The following GFPT1 variants were observed in gnomAD, a reference collection of about 807,000 sequenced individuals.
The protein encoded by GFPT1 is glutamine--fructose-6-phosphate aminotransferase [isomerizing] 1.
A neutral mutation model predicts 92.0 loss-of-function variants in GFPT1; 40 were observed. The observed-to-expected ratio is 0.43, with a 90% CI of 0.34 to 0.57. GFPT1 has a LOEUF of 0.57. Ranked by LOEUF, GFPT1 falls within the 20% of genes least tolerant of loss-of-function variation. The pLI is 0.02. For missense variants in GFPT1, 448 were observed against 869.1 expected (o/e 0.52, Z 6.09); for synonymous variants, 269 against 280.6 (o/e 0.96, Z 0.41).
At chr2:69,354,105 C>T (rs890601445) in intron 9 of GFPT1, among the ~76,000 whole-genome samples, 154 bp downstream of exon 9, 1 of 152,078 alleles carries the variant, frequency 6.6e-6, no homozygotes, top group Non-Finnish European at 1.5e-5. Flanking sequence ...AAATATACTC[C>T]GCAAATTAGA....
In GFPT1 at chr2:69,326,223, G is replaced by A; in HGVS notation, c.2066C>T (p.Pro689Leu). The A allele has an allele frequency of 6.3e-7, 1 of 1,588,920 alleles. No homozygotes were observed. The highest frequency in any genetic ancestry group is 8.6e-7 in the Non-Finnish European group (1 of 1,168,710). The change falls in exon 20 of 20, where the codon CCA (proline) becomes CTA (leucine). Residue 689 changes from proline (P) to leucine (L), a missense_variant. Coordinates refer to ENST00000357308, the MANE Select transcript of GFPT1 (RefSeq NM_001244710.2). ...AVLRGYDVDF[P>L]RNLAKSVTVE is the part of the protein sequence containing the mutation. ...AGTCACAGATTTGGCAAGATTCCGT[G>A]GGAAATCAACCTGCAAAAAGAAAAA...
At chr2:69,374,471 G>A (rs1441193532) in intron 1 of GFPT1, among the ~76,000 whole-genome samples, 1 of 151,786 alleles carries the variant, frequency 6.6e-6, no homozygotes, top group African/African-American at 2.4e-5. Flanking sequence ...CTGCCACCAC[G>A]CCCAGCTAAT....
intron 1 of GFPT1, among the ~76,000 whole-genome samples, chr2:69,386,705 C>G (rs1403861877): frequency 6.6e-6 from 1 of 152,182 alleles, no homozygotes; most frequent in Non-Finnish European, 1.5e-5. Flanking sequence ...TCCTCACTCA[C>G]CTGGTGGGCC....
At chr2:69,352,304 A>G (rs1436258749) in intron 9 of GFPT1, among the ~76,000 whole-genome samples, 1 of 151,006 alleles carries the variant, frequency 6.6e-6, no homozygotes, top group Non-Finnish European at 1.5e-5. Context: ...ACATAAAAAG[A>G]GAGCTCAGCA....
intron 7 of GFPT1, 35 bp from the exon 8 acceptor site, chr2:69,354,603 T>G (rs2104648189): frequency 1.6e-6 from 2 of 1,252,912 alleles, no homozygotes. Flanking sequence ...ATTAAACCAT[T>G]TTTATAAATA....
At chr2:69,354,997 C>T (rs1303413880) in intron 7 of GFPT1, among the ~76,000 whole-genome samples, 1 of 151,992 alleles carries the variant, frequency 6.6e-6, no homozygotes, top group African/African-American at 2.4e-5. Context: ...GAACAAGATC[C>T]TATATCCAAA....
At chr2:69,346,105 CAAAAGTTCATGCAAT>C (rs1238593119) in intron 11 of GFPT1, 106 bp from the exon 12 acceptor site, 4 of 729,856 alleles carry the variant, frequency 5.5e-6, no homozygotes, top group African/African-American at 5.3e-5. Flanking sequence ...TAAAATATAA[CAAAAGTTCATGCAAT>C]AGACATGACT....
chr2:69,366,262 G>A (rs1001729579), intron 3 of GFPT1, among the ~76,000 whole-genome samples: 16 of 152,200 alleles, frequency 1.1e-4, no homozygotes, highest in African/African-American at 2.4e-4. Flanking sequence ...CACTGTTGCT[G>A]TAGGAACATT....
chr2:69,365,873 C>T (rs763933866), intron 3 of GFPT1, among the ~76,000 whole-genome samples: 3 of 151,898 alleles, frequency 2.0e-5, no homozygotes, highest in African/African-American at 4.8e-5. Context: ...AGTACAATGG[C>T]GCAATCTTGG....
chr2:69,381,231 C>T (rs908838175), intron 1 of GFPT1, among the ~76,000 whole-genome samples: 4 of 152,234 alleles, frequency 2.6e-5, no homozygotes, highest in Non-Finnish European at 4.4e-5. Flanking sequence ...GATCTGCCCG[C>T]CTCGGCCTCC....
chr2:69,338,701 T>C, intron 13 of GFPT1, 136 bp from the exon 14 acceptor site: 1 of 679,280 alleles, frequency 1.5e-6, no homozygotes. Flanking sequence ...CAACCCAGAT[T>C]AAAATATTTA....
intron 12 of GFPT1, among the ~76,000 whole-genome samples, chr2:69,343,153 T>G (rs927565963): frequency 6.6e-6 from 1 of 152,220 alleles, no homozygotes; most frequent in Non-Finnish European, 1.5e-5. Context: ...TCCATGTGTC[T>G]TGTCCAGAAA....
intron 1 of GFPT1, among the ~76,000 whole-genome samples, chr2:69,377,795 A>G (rs10172351): frequency 0.04 from 6,053 of 152,290 alleles, 352 homozygotes; most frequent in African/African-American, 0.12. Flanking sequence ...GTCCCTTGAT[A>G]GCACTACTAG....
At chr2:69,353,676 G>C (rs900600480) in intron 9 of GFPT1, among the ~76,000 whole-genome samples, 2 of 152,056 alleles carry the variant, frequency 1.3e-5, no homozygotes, top group African/African-American at 4.8e-5. Context: ...TCCAGCCTGG[G>C]CAACAGAGCA....
Position 69,370,002 on chromosome 2 carries a change from G to A in GFPT1, c.222C>T (p.His74=). The change falls in exon 3 of 20, where the codon CAC becomes CAT. Residue 74 remains histidine (H), a splice_region_variant and synonymous_variant. Coordinates refer to ENST00000357308, the MANE Select transcript of GFPT1 (RefSeq NM_001244710.2). ...CAAAAATCAAATTAAGTACGTTACT[G>A]TGAACTTCTTCATCCAGTGCCTTAA... The part of the protein sequence containing the change: ...GKVKALDEEV[H]KQQDMDLDIE... The A allele has an allele frequency of 1.3e-6, 2 of 1,522,314 alleles. No homozygotes were observed. 94.3% of individuals were successfully genotyped at this position (1,522,314 alleles called of 1,614,324 possible). A position where few individuals can be genotyped will look rare whatever the true frequency, so the allele number is the denominator to read the frequency against.
At chr2:69,371,777 C>A (rs1671756063) in intron 2 of GFPT1, among the ~76,000 whole-genome samples, 1 of 151,750 alleles carries the variant, frequency 6.6e-6, no homozygotes, top group African/African-American at 2.4e-5. Flanking sequence ...GTGGAGCTTG[C>A]AGTGAGCTGA....
chr2:69,386,655 A>C (rs1334747733), intron 1 of GFPT1, among the ~76,000 whole-genome samples: 2 of 152,244 alleles, frequency 1.3e-5, no homozygotes, highest in Non-Finnish European at 2.9e-5. Context: ...AGAAAAATGC[A>C]AGGTAAGTTC....
intron 15 of GFPT1, among the ~76,000 whole-genome samples, chr2:69,333,490 A>G (rs1335871793): frequency 6.6e-6 from 1 of 152,224 alleles, no homozygotes; most frequent in Non-Finnish European, 1.5e-5. Flanking sequence ...AGGAAAAATA[A>G]GCTATACCCT....
rs1468259531 is a variant in GFPT1, at chr2:69,322,088, T to G, written c.*4101A>C. ...AAGTATAGTGAGAAAAAAACTGATT[T>G]AAGTGTTAGCATTTCTAAACTTGAG... On this transcript the variant is annotated 3_prime_UTR_variant, in exon 20 of 20. Transcript: ENST00000357308. 6.6e-6 allele frequency: 1 copy of G among 152,194 alleles called. No homozygotes were observed. Among genetic ancestry groups the G allele is most frequent in the Non-Finnish European group, 1.5e-5 (1 of 68,012 alleles). 9.4% of individuals were successfully genotyped at this position (152,194 alleles called of 1,614,324 possible). A position where few individuals can be genotyped will look rare whatever the true frequency, so the allele number is the denominator to read the frequency against.
Sources: allele counts gnomAD v4.1 joint callset (sites outside exome capture counted in the v4.1 genomes callset), GRCh38; gene constraint gnomAD v4.1.1; transcripts MANE v1.5; gene names NCBI Gene and HGNC (gene_info 2026-07-23, HGNC 2026-07-21).